LTBP4: variants seen among roughly 807,000 people sequenced by gnomAD.
The protein encoded by LTBP4 is latent transforming growth factor beta binding protein 4.
LTBP4 carries 93 observed loss-of-function variants against 180.2 expected under a neutral mutation model. The ratio of observed to expected loss-of-function variants is 0.52; its 90% CI spans 0.44 to 0.61. The LOEUF (loss-of-function observed/expected upper bound fraction) is 0.61. LTBP4 is among the 20% of genes least tolerant of loss of function. The pLI, the probability that LTBP4 is intolerant of heterozygous loss-of-function variation, is 0.00. For synonymous variants in LTBP4, 947 were observed against 934.5 expected (o/e 1.01, Z -0.24); for missense variants, 2,116 against 2,256.5 (o/e 0.94, Z 1.26).
intron 22 of LTBP4, 38 bp downstream of exon 22, chr19:40,619,531 C>G (rs756494756): frequency 6.4e-7 from 1 of 1,559,898 alleles, no homozygotes; most frequent in Non-Finnish European, 8.7e-7. Flanking sequence ...TGGCGGCTGG[C>G]CCCATGGGAA....
intron 15 of LTBP4, 80 bp downstream of exon 15, chr19:40,612,272 C>A: frequency 1.3e-6 from 2 of 1,485,634 alleles, no homozygotes; most frequent in South Asian, 2.6e-5. Flanking sequence ...TATGACCTGG[C>A]CGTAACCTCC....
Position 40,605,918 on chromosome 19 carries a change from A to T in LTBP4, c.793+87A>T. ...CTCCTACTCTGCCCTAGATAAACCC[A>T]GTTCACAAATTGTAGCCACGCCTAC... On this transcript the variant is annotated intron_variant, in intron 4 of 29. Transcript: ENST00000396819. The surrounding 1 kb of genome is among the most constrained non-coding windows in gnomAD (Gnocchi z 5.5). 1 of 1,399,802 alleles carries T rather than the reference A, an allele frequency of 7.1e-7. No individual in the cohort carries two copies. Among genetic ancestry groups the T allele is most frequent in the East Asian group, 2.5e-5 (1 of 39,814 alleles). The allele number at this position is 1,399,802 out of a possible 1,614,324, so 86.7% of individuals were successfully genotyped here.
At position 40,622,404 on chromosome 19, in the gene LTBP4, C is replaced by G; in HGVS notation, c.3221C>G (p.Thr1074Arg). ...RCVPPRTSAG[T>R]FPGSQPQAPA... ...CTAAAGCTCCTTGTCTCCCCAGGCA[C>G]GTTCCCAGGCTCGCAGCCCCAGGCA... Residue 1074 changes from threonine (T) to arginine (R), a missense_variant, in exon 23 of 30, where the codon ACG (threonine) becomes AGG (arginine). Transcript: ENST00000396819. The surrounding 1 kb of genome is among the most constrained non-coding windows in gnomAD (Gnocchi z 5.1). 1 of 1,523,712 alleles carries G rather than the reference C, an allele frequency of 6.6e-7. No individual in the cohort carries two copies. Among genetic ancestry groups the G allele is most frequent in the Non-Finnish European group, 8.9e-7 (1 of 1,128,748 alleles). The allele number at this position is 1,523,712 out of a possible 1,614,324, so 94.4% of individuals were successfully genotyped here. A position where few individuals can be genotyped will look rare whatever the true frequency, so the allele number is the denominator to read the frequency against.
chr19:40,605,593 G>A lies in LTBP4; in HGVS notation c.631G>A (p.Asp211Asn), dbSNP rs2081454429. 6.2e-7 allele frequency: 1 copy of A among 1,600,802 alleles called. No individual in the cohort carries two copies. The highest frequency in any genetic ancestry group is 8.5e-7 in the Non-Finnish European group (1 of 1,173,842). Residue 211 changes from aspartate (D) to asparagine (N), a missense_variant, in exon 3 of 30, where the codon GAC becomes AAC. Around this residue, in one of 5 missense-constraint regions of LTBP4, gnomAD observed 469 missense variants for 532.5 expected, o/e 0.88. Coordinates refer to ENST00000396819, the MANE Select transcript of LTBP4 (RefSeq NM_001042545.2). This position sits in a 1 kb window ranked among gnomAD's most constrained non-coding sequence, Gnocchi z 5.5. ...TVLAQSAPRE[D>N]GYSDASGFGY... The stretch of plus-strand genomic sequence containing the variant: ...GTTGGCACAGAGCGCGCCGCGGGAG[G>A]ACGGCTACTCAGATGCCTCGGGCTT...
Position 40,606,468 on chromosome 19 carries a change from G to C in LTBP4, c.933G>C (p.Gly311=). ...GCGAGTGTGCAAACACGCGCGGCGG[G>C]TACACGTGTGTGTGCCCCGACGGCT... ...QHGECANTRG[G]YTCVCPDGFL... The change falls in exon 6 of 30, where the codon GGG becomes GGC. Residue 311 remains glycine (G), a synonymous_variant. Transcript: ENST00000396819. 1.3e-6 allele frequency: 2 copies of C among 1,583,354 alleles called. No homozygotes were observed. The highest frequency in any genetic ancestry group is 2.3e-5 in the East Asian group (1 of 42,988).
At chr19:40,596,681 G>A (rs1291415915), upstream of LTBP4, among the ~76,000 whole-genome samples, 3 of 152,120 alleles carry the variant, frequency 2.0e-5, no homozygotes. Context: ...GACCCTCAGA[G>A]GGGCAGGACC....
chr19:40,617,779 A>G (rs914832879), intron 21 of LTBP4, among the ~76,000 whole-genome samples: 1 of 152,198 alleles, frequency 6.6e-6, no homozygotes, highest in African/African-American at 2.4e-5. Context: ...ACTAATCTTA[A>G]GTGTTCATAA....
intron 7 of LTBP4, 45 bp downstream of exon 7, chr19:40,607,574 G>A (rs2081472781): frequency 6.5e-7 from 1 of 1,541,106 alleles, no homozygotes; most frequent in East Asian, 2.3e-5. Context: ...AACACATGTG[G>A]CGCTCATTCT....
At position 40,609,391 on chromosome 19, in the gene LTBP4, CAGA is replaced by C. The variant is rs1329440249; in HGVS notation, c.1427-132_1427-130del. 37 of 1,098,130 alleles carry C rather than the reference CAGA, an allele frequency of 3.4e-5. No homozygotes were observed. The highest frequency in any genetic ancestry group is 4.1e-5 in the Non-Finnish European group (31 of 762,736). The allele number at this position is 1,098,130 out of a possible 1,614,324, so 68.0% of individuals were successfully genotyped here. On this transcript the variant is annotated intron_variant, in intron 9 of 29. Coordinates refer to ENST00000396819, the MANE Select transcript of LTBP4 (RefSeq NM_001042545.2). This position sits in a 1 kb window ranked among gnomAD's most constrained non-coding sequence, Gnocchi z 4.9. ...GTTCCAGGATAAAAAAGATGGAGATCAGAAGAAGACTGGGCTTGCTTGGGGAGG... is the reference window on the plus strand; with the variant it reads ...GTTCCAGGATAAAAAAGATGGAGATCAGAAGACTGGGCTTGCTTGGGGAGG...
In LTBP4 at chr19:40,627,858, G is replaced by T; in HGVS notation, c.4519+1G>T. On this transcript the variant is annotated splice_donor_variant, in intron 29 of 29. Coordinates refer to ENST00000396819, the MANE Select transcript of LTBP4 (RefSeq NM_001042545.2). LOFTEE classifies it high-confidence loss of function. Reference sequence around the variant, plus strand: ...GACATGACCCGCATGGCCTGCGTTGGTGAGGGCGGGCCCGGGGCCAGCATG... The same window carrying T: ...GACATGACCCGCATGGCCTGCGTTGTTGAGGGCGGGCCCGGGGCCAGCATG... 6.4e-7 allele frequency: 1 copy of T among 1,561,116 alleles called. No individual in the cohort carries two copies. The highest frequency in any genetic ancestry group is 8.6e-7 in the Non-Finnish European group (1 of 1,160,078).
intron 24 of LTBP4, among the ~76,000 whole-genome samples, chr19:40,623,330 G>A (rs1261159854): frequency 1.3e-5 from 2 of 151,908 alleles, no homozygotes; most frequent in Non-Finnish European, 2.9e-5. Flanking sequence ...TAGCCACTAC[G>A]CCTGGCTAAT....
Position 40,605,159 on chromosome 19 carries a change from G to A in LTBP4, c.375G>A (p.Pro125=), listed in dbSNP as rs1473942667. Residue 125 remains proline, a synonymous_variant, in exon 2 of 30, where the codon CCG becomes CCA. Coordinates refer to ENST00000396819, the MANE Select transcript of LTBP4 (RefSeq NM_001042545.2). This position sits in a 1 kb window ranked among gnomAD's most constrained non-coding sequence, Gnocchi z 5.5. The part of the protein sequence containing the change: ...LHSSGARPPA[P]AVPGLTRSVY... ...CCTCGGGCGCCCGGCCCCCGGCCCCGGCTGTACCAGGCCTCACCCGCTCCG... is the reference window on the plus strand; with the variant it reads ...CCTCGGGCGCCCGGCCCCCGGCCCCAGCTGTACCAGGCCTCACCCGCTCCG... The A allele has an allele frequency of 4.3e-6, 7 of 1,611,358 alleles. No homozygotes were observed. Among genetic ancestry groups the A allele is most frequent in the Non-Finnish European group, 5.1e-6 (6 of 1,178,996 alleles).
At chr19:40,608,179 C>G (rs142610177) in intron 7 of LTBP4, 41 bp from the exon 8 acceptor site, 1 of 1,611,586 alleles carries the variant, frequency 6.2e-7, no homozygotes, top group Non-Finnish European at 8.5e-7. Flanking sequence ...GTTTTCTTCC[C>G]GCTCTCTTGT....
upstream of LTBP4, chr19:40,597,329 C>T (rs1035887584): frequency 7.9e-6 from 12 of 1,524,854 alleles, no homozygotes; most frequent in African/African-American, 4.2e-5. Flanking sequence ...AGCCCCAGCC[C>T]CAGCCCCAGC....
upstream of LTBP4, among the ~76,000 whole-genome samples, chr19:40,600,757 C>T (rs1389309151): frequency 6.6e-6 from 1 of 152,130 alleles, no homozygotes; most frequent in African/African-American, 2.4e-5. This position sits in a 1 kb window ranked among gnomAD's most constrained non-coding sequence, Gnocchi z 4.4. Flanking sequence ...CCCACAGCCT[C>T]CCTTTATCCA....
rs554077519 is a variant in LTBP4, at chr19:40,612,324, C to T, written c.2299+132C>T. On this transcript the variant is annotated intron_variant, in intron 15 of 29. Coordinates refer to ENST00000396819, the MANE Select transcript of LTBP4 (RefSeq NM_001042545.2). ...CCCTCAGTCCCCAGAGCCTGTGACT[C>T]CTGACCCTGACCTGGACCACAACTC... 8.2e-5 allele frequency: 99 copies of T among 1,213,308 alleles called. No homozygotes were observed. In the East Asian group the frequency reaches 2.5e-3, roughly 30 times the overall value. The allele number at this position is 1,213,308 out of a possible 1,614,324, so 75.2% of individuals were successfully genotyped here.
chr19:40,593,851 T>C (rs1420438007), intron 1 of LTBP4, among the ~76,000 whole-genome samples: 1 of 152,050 alleles, frequency 6.6e-6, no homozygotes, highest in South Asian at 2.1e-4. Context: ...TGGAGTGCAG[T>C]GGTGTGATCT....
At chr19:40,596,528 T>C (rs940959090), upstream of LTBP4, among the ~76,000 whole-genome samples, 7 of 151,446 alleles carry the variant, frequency 4.6e-5, no homozygotes, top group African/African-American at 1.7e-4. Flanking sequence ...GCAGAGTTTG[T>C]GGATCAGGGG....
Position 40,611,371 on chromosome 19 carries a change from G to C in LTBP4, c.2030G>C (p.Arg677Pro), listed in dbSNP as rs750739820. ...GCCTGCCCTGCTGGCTTCCGCTCCC[G>C]AGGGCCCGGGGCCCCCTGCCAAGGT... ...HCACPAGFRS[R>P]GPGAPCQDVD... Residue 677 changes from arginine to proline, a missense_variant, in exon 13 of 30, where the codon CGA (arginine) becomes CCA (proline). Transcript: ENST00000396819. This position sits in a 1 kb window ranked among gnomAD's most constrained non-coding sequence, Gnocchi z 4.4. The C allele has an allele frequency of 6.2e-7, 1 of 1,607,568 alleles. No homozygotes were observed. Among genetic ancestry groups the C allele is most frequent in the South Asian group, 1.1e-5 (1 of 90,854 alleles).
Sources: gnomAD v4.1 joint callset for allele counts (sites outside exome capture counted in the v4.1 genomes callset) on GRCh38, gnomAD v4.1.1 for gene constraint, gnomAD v4.1.1 regional missense constraint, Gnocchi (gnomAD v3.1) non-coding constraint, MANE v1.5 for transcripts, NCBI Gene and HGNC (gene_info 2026-07-23, HGNC 2026-07-21) for gene names.